AGBL4: variants seen among roughly 807,000 people sequenced by gnomAD.
AGBL4 encodes cytosolic carboxypeptidase 6.
A neutral mutation model predicts 66.4 loss-of-function variants in AGBL4; 58 were observed. The ratio of observed to expected loss-of-function variants is 0.87; its 90% confidence interval spans 0.71 to 1.09. The LOEUF is 1.09. Ranked by LOEUF, AGBL4 falls within the 50% of genes least tolerant of loss-of-function variation. AGBL4 has a pLI of 0.00. For synonymous variants in AGBL4, 234 were observed against 222.9 expected (o/e 1.05, Z -0.44); for missense variants, 579 against 631.0 (o/e 0.92, Z 0.88).
At chr1:50,005,582 T>C (rs539389624) in intron 1 of AGBL4, among the ~76,000 whole-genome samples, 2 of 152,240 alleles carry the variant, frequency 1.3e-5, no homozygotes, top group African/African-American at 4.8e-5. Flanking sequence ...ACCTAACTCT[T>C]CAATGCCCAT....
At chr1:49,562,577 C>A (rs1373413848) in intron 3 of AGBL4, among the ~76,000 whole-genome samples, 37 of 151,926 alleles carry the variant, frequency 2.4e-4, no homozygotes, top group Non-Finnish European at 3.1e-4. Context: ...TCCTTTCCCC[C>A]TTGCTTGTTT....
intron 8 of AGBL4, among the ~76,000 whole-genome samples, chr1:48,647,245 C>A (rs1645852497): frequency 6.6e-6 from 1 of 152,174 alleles, no homozygotes; most frequent in Non-Finnish European, 1.5e-5. Context: ...AGGTCCGTTC[C>A]TCCCCACCCC....
chr1:49,847,137 G>T (rs1646168958), intron 2 of AGBL4, among the ~76,000 whole-genome samples: 1 of 152,090 alleles, frequency 6.6e-6, no homozygotes. Context: ...CCTATCTCCA[G>T]CCAACTACAC....
At chr1:49,442,644 C>T (rs987590084) in intron 3 of AGBL4, among the ~76,000 whole-genome samples, 1 of 152,180 alleles carries the variant, frequency 6.6e-6, no homozygotes, top group Non-Finnish European at 1.5e-5. Context: ...ATTTCTTTAT[C>T]AATTCATGCA....
rs374393293 is a variant in AGBL4, at chr1:49,138,240, C to T, written c.378-92440G>A. ...ACAACGTCCAAAGAGAAAAATACTG[C>T]AAACAGAGCCTTTAAGGAGACGGTA... On this transcript the variant is annotated intron_variant, in intron 4 of 13. Coordinates refer to ENST00000371839, the MANE Select transcript of AGBL4 (RefSeq NM_032785.4). 3.4e-4 allele frequency among the ~76,000 whole-genome samples: 51 copies of T among 152,110 alleles called. 1 individual carries two copies. In the South Asian group the frequency reaches 9.4e-3, roughly 28 times the overall value.
At chr1:49,293,908 A>G (rs1331507281) in intron 3 of AGBL4, among the ~76,000 whole-genome samples, 1 of 152,264 alleles carries the variant, frequency 6.6e-6, no homozygotes, top group Non-Finnish European at 1.5e-5. Context: ...AAAAAAAATT[A>G]AAGCTGAAAT....
At chr1:49,176,798 C>A (rs906806401) in intron 4 of AGBL4, among the ~76,000 whole-genome samples, 2 of 152,242 alleles carry the variant, frequency 1.3e-5, no homozygotes, top group East Asian at 3.9e-4. Context: ...AATCTCTTAA[C>A]TTTCTGTCTC....
intron 3 of AGBL4, among the ~76,000 whole-genome samples, chr1:49,695,473 T>C (rs142896995): frequency 6.6e-6 from 1 of 152,244 alleles, no homozygotes; most frequent in Non-Finnish European, 1.5e-5. Flanking sequence ...TAAGGATTAT[T>C]GATTGTCTTA....
At chr1:50,015,289 C>A (rs1219360318) in intron 1 of AGBL4, among the ~76,000 whole-genome samples, 2 of 152,174 alleles carry the variant, frequency 1.3e-5, no homozygotes, top group African/African-American at 2.4e-5. Context: ...CTCTATGTTG[C>A]CTGAATGATA....
intron 3 of AGBL4, among the ~76,000 whole-genome samples, chr1:49,623,829 G>C (rs1239337999): frequency 6.6e-6 from 1 of 152,176 alleles, no homozygotes; most frequent in Non-Finnish European, 1.5e-5. Flanking sequence ...CTAAAGTACA[G>C]CATAATGGTT....
chr1:49,438,967 C>A (rs1338706716), intron 3 of AGBL4, among the ~76,000 whole-genome samples: 1 of 152,120 alleles, frequency 6.6e-6, no homozygotes, highest in Non-Finnish European at 1.5e-5. Context: ...GTTACTGATC[C>A]CATCTATGGT....
Position 49,802,576 on chromosome 1 carries a change from AATGTT to A in AGBL4, c.157+48815_157+48819del, listed in dbSNP as rs368384339. On this transcript the variant is annotated intron_variant, in intron 2 of 13. Transcript: ENST00000371839. The stretch of plus-strand genomic sequence containing the variant: ...TCTGTATACTGTACTTCTGCATACA[AATGTT>A]ATGTTAAAGAATTACTTCATCCCCA... Among the ~76,000 whole-genome samples the A allele has an allele frequency of 3.9e-4, 59 of 152,262 alleles. 1 individual carries two copies. The East Asian group carries it at 0.011, about 28-fold the overall frequency.
chr1:48,822,844 T>C (rs991664683), intron 6 of AGBL4, among the ~76,000 whole-genome samples: 1 of 152,204 alleles, frequency 6.6e-6, no homozygotes, highest in African/African-American at 2.4e-5. Context: ...GACTAATAAA[T>C]ATATCCCTCC....
intron 4 of AGBL4, among the ~76,000 whole-genome samples, chr1:49,175,877 C>G (rs1319500755): frequency 6.6e-6 from 1 of 152,100 alleles, no homozygotes; most frequent in Non-Finnish European, 1.5e-5. Flanking sequence ...TAAGATGCTA[C>G]CTGTGTAGAT....
At chr1:49,145,607 G>A (rs1252719797) in intron 4 of AGBL4, among the ~76,000 whole-genome samples, 1 of 152,154 alleles carries the variant, frequency 6.6e-6, no homozygotes, top group Non-Finnish European at 1.5e-5. Context: ...AAAGCTATAG[G>A]TAGAAGACAG....
intron 3 of AGBL4, among the ~76,000 whole-genome samples, chr1:49,493,289 A>G (rs1185222): frequency 0.68 from 103,443 of 151,814 alleles, 36,066 homozygotes; most frequent in African/African-American, 0.77. Flanking sequence ...TACTTAGAAT[A>G]TGGAGCCAGG....
intron 4 of AGBL4, among the ~76,000 whole-genome samples, chr1:49,095,421 G>T (rs536058214): frequency 6.6e-6 from 1 of 152,006 alleles, no homozygotes; most frequent in African/African-American, 2.4e-5. Flanking sequence ...ATCACGCTAC[G>T]TGACTTCAAA....
intron 4 of AGBL4, among the ~76,000 whole-genome samples, chr1:49,091,095 A>T (rs1644995580): frequency 6.6e-6 from 1 of 152,194 alleles, no homozygotes; most frequent in Non-Finnish European, 1.5e-5. Context: ...CTCAAGATGG[A>T]TTAAAAACTT....
intron 6 of AGBL4, chr1:48,776,862 C>T: frequency 6.9e-7 from 1 of 1,443,654 alleles, no homozygotes; most frequent in Non-Finnish European, 9.2e-7. Flanking sequence ...CCCGGTCGGG[C>T]AGCTCAGCCC....
Sources: gnomAD v4.1 joint callset for allele counts (sites outside exome capture counted in the v4.1 genomes callset) on GRCh38, gnomAD v4.1.1 for gene constraint, MANE v1.5 for transcripts, NCBI Gene and HGNC (gene_info 2026-07-23, HGNC 2026-07-21) for gene names.